BPTF: variants seen among roughly 807,000 people sequenced by gnomAD.
The protein encoded by BPTF is nucleosome-remodeling factor subunit BPTF.
BPTF carries 18 observed loss-of-function variants against 292.5 expected under a neutral mutation model. The ratio of observed to expected loss-of-function variants is 0.06; its 90% CI spans 0.04 to 0.09. BPTF has a LOEUF of 0.09. Among genes scored for constraint, BPTF ranks in the 10% least tolerant of loss-of-function variants. The pLI is 1.00. For synonymous variants in BPTF, 1,225 were observed against 1,251.9 expected, an observed-to-expected ratio of 0.98 and a Z score of 0.45; for missense variants, 2,726 against 3,498.7, an observed-to-expected ratio of 0.78 and a Z score of 5.57.
intron 27 of BPTF, among the ~76,000 whole-genome samples, chr17:67,980,650 A>G (rs2070229271): frequency 6.6e-6 from 1 of 152,166 alleles, no homozygotes; most frequent in South Asian, 2.1e-4. Context: ...AAGGAGAGGA[A>G]ATTGCCTGGA....
At chr17:67,917,617 TTTAATTAA>T (rs376041236) in intron 11 of BPTF, among the ~76,000 whole-genome samples, 76 of 151,286 alleles carry the variant, frequency 5.0e-4, no homozygotes, top group South Asian at 2.1e-4. Context: ...TTTGGTTTAA[TTTAATTAA>T]TTAATTAATT....
Position 67,982,271 on chromosome 17 carries a change from C to G in BPTF, c.8746C>G (p.Gln2916Glu). 1 of 1,610,944 alleles carries G rather than the reference C, an allele frequency of 6.2e-7. No individual in the cohort carries two copies. Among genetic ancestry groups the G allele is most frequent in the Non-Finnish European group, 8.5e-7 (1 of 1,177,874 alleles). Residue 2916 changes from glutamine (Q) to glutamate (E), a missense_variant, in exon 28 of 28, where the codon CAG becomes GAG. Around this residue, in one of 22 missense-constraint regions of BPTF, gnomAD observed 21 missense variants for 16.1 expected, o/e 1.30. Coordinates refer to ENST00000306378, the MANE Select transcript of BPTF (RefSeq NM_182641.4). Reference sequence around the variant, plus strand: ...CTGTAGGTCTCATAACAACAAACTGCAGTCTACAGCTTCTTAAAGTTCAGC... The same window carrying G: ...CTGTAGGTCTCATAACAACAAACTGGAGTCTACAGCTTCTTAAAGTTCAGC... ...KASRSHNNKL[Q>E]STAS
At chr17:67,938,520 G>A (rs370295219) in intron 18 of BPTF, among the ~76,000 whole-genome samples, 1 of 152,180 alleles carries the variant, frequency 6.6e-6, no homozygotes, top group Non-Finnish European at 1.5e-5. Context: ...ACCAAAGGAA[G>A]CAACACAAAT....
At chr17:67,920,471 G>A (rs1258411581) in intron 13 of BPTF, among the ~76,000 whole-genome samples, 1 of 152,188 alleles carries the variant, frequency 6.6e-6, no homozygotes, top group Non-Finnish European at 1.5e-5. Flanking sequence ...ACGGCAGCTA[G>A]TACCGAGTCT....
At chr17:67,830,113 T>C (rs1231263375) in intron 1 of BPTF, among the ~76,000 whole-genome samples, 3 of 152,240 alleles carry the variant, frequency 2.0e-5, no homozygotes, top group Admixed American at 1.3e-4. Context: ...GCCAATATAC[T>C]GAGAAGGATT....
chr17:67,927,701 C>G (rs1275113144), intron 15 of BPTF, among the ~76,000 whole-genome samples: 1 of 152,098 alleles, frequency 6.6e-6, no homozygotes, highest in East Asian at 1.9e-4. Context: ...CTGTTGTTTT[C>G]AGTCTGAAAC....
intron 17 of BPTF, among the ~76,000 whole-genome samples, chr17:67,930,201 A>G (rs2064254415): frequency 6.6e-6 from 1 of 151,974 alleles, no homozygotes; most frequent in African/African-American, 2.4e-5. Context: ...TATTAGATAC[A>G]TCATTTCTTT....
chr17:67,833,958 T>C (rs1367727738), intron 1 of BPTF, among the ~76,000 whole-genome samples: 2 of 152,208 alleles, frequency 1.3e-5, no homozygotes, highest in Non-Finnish European at 1.5e-5. Flanking sequence ...AAGGATGAAC[T>C]GACTTCTGAA....
intron 19 of BPTF, among the ~76,000 whole-genome samples, chr17:67,941,693 A>T (rs1267294739): frequency 6.6e-6 from 1 of 152,168 alleles, no homozygotes; most frequent in Non-Finnish European, 1.5e-5. Flanking sequence ...GACCATTATT[A>T]CCTCACTCTA....
Position 67,893,423 on chromosome 17 carries a change from A to C in BPTF, c.2109A>C (p.Glu703Asp). ...TTTCACGGTTGAGCACCAAAAAGGA[A>C]GTGATCATGAAAGGAAATATCAACA... Reference protein sequence around the residue: ...GEISRLSTKKEVIMKGNINNY... With the variant: ...GEISRLSTKKDVIMKGNINNY... Residue 703 changes from glutamate to aspartate, a missense_variant, in exon 6 of 28, where the codon GAA becomes GAC. Around this residue, in one of 22 missense-constraint regions of BPTF, gnomAD observed 63 missense variants for 84.1 expected, o/e 0.75. Transcript: ENST00000306378. The C allele has an allele frequency of 6.2e-7, 1 of 1,614,200 alleles. No homozygotes were observed. Among genetic ancestry groups the C allele is most frequent in the South Asian group, 1.1e-5 (1 of 91,082 alleles).
At chr17:67,934,135 A>C (rs1361601653) in intron 18 of BPTF, among the ~76,000 whole-genome samples, 4 of 152,238 alleles carry the variant, frequency 2.6e-5, no homozygotes, top group Non-Finnish European at 5.9e-5. Flanking sequence ...AATTCCAAAA[A>C]ATAAAATGTG....
intron 11 of BPTF, among the ~76,000 whole-genome samples, chr17:67,916,785 A>AG (rs1172525729): frequency 6.6e-6 from 1 of 150,768 alleles, no homozygotes; most frequent in Non-Finnish European, 1.5e-5. Context: ...AAAAAAAAAA[A>AG]GAAAGCATTG....
intron 1 of BPTF, among the ~76,000 whole-genome samples, chr17:67,839,709 C>T (rs1014703784): frequency 4.6e-5 from 7 of 152,116 alleles, no homozygotes; most frequent in Non-Finnish European, 7.4e-5. Context: ...TTGGATATTT[C>T]AGTTATCTCT....
Position 67,946,279 on chromosome 17 carries a change from A to C in BPTF, c.7571A>C (p.Glu2524Ala). 6.2e-7 allele frequency: 1 copy of C among 1,614,148 alleles called. No individual in the cohort carries two copies. Among genetic ancestry groups the C allele is most frequent in the Non-Finnish European group, 8.5e-7 (1 of 1,180,028 alleles). ...KKQQQIEIKREHTLQASNQSE... is the reference protein window; with the variant it reads ...KKQQQIEIKRAHTLQASNQSE... ...CAGCAACAGATAGAAATTAAGCGTG[A>C]ACACACCCTCCAAGCTTCTAATCAA... The change falls in exon 21 of 28, where the codon GAA becomes GCA. Residue 2524 changes from glutamate (E) to alanine (A), a missense_variant. Physicochemically the swap from Glu to Ala is moderately radical, Grantham distance 107. Coordinates refer to ENST00000306378, the MANE Select transcript of BPTF (RefSeq NM_182641.4).
rs1192951841 is a variant in BPTF at position 67,893,675 on chromosome 17, A to G, written c.2361A>G (p.Leu787=). ...CTCTGAGACTGACTATCACCCAATT[A>G]GAAAACAACATCCCTTCATCCTTTC... ...ISTLRLTITQ[L]ENNIPSSFLH... is the part of the protein sequence containing the mutation. The change falls in exon 6 of 28, where the codon TTA becomes TTG. Residue 787 remains leucine, a synonymous_variant. Coordinates refer to ENST00000306378, the MANE Select transcript of BPTF (RefSeq NM_182641.4). 6 of 1,611,266 alleles carry G rather than the reference A, an allele frequency of 3.7e-6. No individual in the cohort carries two copies. In the East Asian group the frequency reaches 1.3e-4, roughly 36 times the overall value.
intron 23 of BPTF, chr17:67,956,718 C>A (rs1402148024): frequency 6.7e-6 from 1 of 148,828 alleles, no homozygotes; most frequent in Non-Finnish European, 1.5e-5. Flanking sequence ...AATCACAGCA[C>A]TTTGGGAGGC....
chr17:67,877,835 G>A (rs556164204), intron 4 of BPTF, among the ~76,000 whole-genome samples: 1 of 152,212 alleles, frequency 6.6e-6, no homozygotes, highest in South Asian at 2.1e-4. Flanking sequence ...GTCTCACTGT[G>A]TTGCCCAGGC....
chr17:67,944,790 A>G (rs2065669356), intron 20 of BPTF, among the ~76,000 whole-genome samples: 1 of 152,048 alleles, frequency 6.6e-6, no homozygotes, highest in South Asian at 2.1e-4. Flanking sequence ...GTAACTAACT[A>G]CCACCACATC....
In BPTF at chr17:67,912,123, A is replaced by G; in HGVS notation, c.4239A>G (p.Lys1413=). ...STFQINGKDN[K]PKIYLKGECL... ...TTCAAATAAATGGAAAAGATAATAAACCCAAAATATATTTGAAAGGTGAAT... is the reference window on the plus strand; with the variant it reads ...TTCAAATAAATGGAAAAGATAATAAGCCCAAAATATATTTGAAAGGTGAAT... The change falls in exon 11 of 28, where the codon AAA becomes AAG. Residue 1413 remains lysine, a synonymous_variant. Coordinates refer to ENST00000306378, the MANE Select transcript of BPTF (RefSeq NM_182641.4). 1 of 1,610,334 alleles carries G rather than the reference A, an allele frequency of 6.2e-7. No homozygotes were observed. Among genetic ancestry groups the G allele is most frequent in the Non-Finnish European group, 8.5e-7 (1 of 1,178,752 alleles).
Sources: gnomAD v4.1 joint callset for allele counts (sites outside exome capture counted in the v4.1 genomes callset) on GRCh38, gnomAD v4.1.1 for gene constraint, gnomAD v4.1.1 regional missense constraint, MANE v1.5 for transcripts, NCBI Gene and HGNC (gene_info 2026-07-23, HGNC 2026-07-21) for gene names.